The following ZFAT variants were observed in gnomAD, a reference collection of about 807,000 sequenced individuals.
ZFAT encodes the protein zinc finger and AT-hook domain containing.
A neutral mutation model predicts 117.7 loss-of-function variants in ZFAT; 64 were observed. The observed-to-expected ratio is 0.54, with a 90% CI of 0.44 to 0.67. ZFAT has a LOEUF of 0.67. Ranked by LOEUF, ZFAT falls within the 30% of genes least tolerant of loss-of-function variation. The pLI, the probability that ZFAT is intolerant of heterozygous loss-of-function variation, is 0.00. For missense variants in ZFAT, 1,433 were observed against 1,584.5 expected (o/e 0.90, Z 1.62); for synonymous variants, 679 against 615.0 (o/e 1.10, Z -1.54).
chr8:134,687,710 A>C (rs1459566212), intron 1 of ZFAT, among the ~76,000 whole-genome samples: 1 of 152,184 alleles, frequency 6.6e-6, no homozygotes, highest in Non-Finnish European at 1.5e-5. Flanking sequence ...ACAGCTCTCA[A>C]GTGATGCCTC....
intron 10 of ZFAT, among the ~76,000 whole-genome samples, chr8:134,574,173 G>C (rs1475097412): frequency 6.6e-6 from 1 of 152,204 alleles, no homozygotes; most frequent in African/African-American, 2.4e-5. Context: ...AGCCAGCAGG[G>C]TACCTGCCTT....
chr8:134,830,801 T>C, the ZFAT span, among the ~76,000 whole-genome samples: 517 of 152,354 alleles, frequency 3.4e-3, 4 homozygotes, highest in African/African-American at 0.012. Flanking sequence ...CAGGTAACAT[T>C]CAAATATATA....
chr8:134,574,964 G>A (rs1825192927), intron 10 of ZFAT, among the ~76,000 whole-genome samples: 1 of 151,534 alleles, frequency 6.6e-6, no homozygotes, highest in South Asian at 2.1e-4. Flanking sequence ...ATTGCACTGT[G>A]CCTTCCTAAT....
Position 134,512,409 on chromosome 8 carries a change from C to T in ZFAT, c.3361+66G>A, listed in dbSNP as rs538687412. 2.2e-4 allele frequency: 349 copies of T among 1,579,204 alleles called. 1 individual carries two copies. The South Asian group carries it at 3.7e-3, about 17-fold the overall frequency. On this transcript the variant is annotated intron_variant, in intron 14 of 15. Coordinates refer to ENST00000377838, the MANE Select transcript of ZFAT (RefSeq NM_020863.4). ...CTGATGGACATCATTCATCTGCAAA[C>T]GCATTCATTCAGCATGTCTAGGAAA...
rs116798503 is a variant in ZFAT at position 134,532,515 on chromosome 8, C to T, written c.3115+319G>A. ...AAAGACAACCGAACTTTCATCTCTG[C>T]GAACTTTACGCACGGACAAAGAATG... On this transcript the variant is annotated intron_variant, in intron 12 of 15. Transcript: ENST00000377838. Among the ~76,000 whole-genome samples the T allele has an allele frequency of 7.8e-3, 1,190 of 152,258 alleles. 19 individuals are homozygous for T. The highest frequency in any genetic ancestry group is 0.027 in the African/African-American group (1,127 of 41,550).
intron 11 of ZFAT, among the ~76,000 whole-genome samples, chr8:134,536,945 T>C (rs1295288410): frequency 1.3e-5 from 2 of 152,348 alleles, no homozygotes; most frequent in East Asian, 3.9e-4. Flanking sequence ...ACAGCTCATT[T>C]GGAATGCAAC....
intron 13 of ZFAT, among the ~76,000 whole-genome samples, chr8:134,513,400 T>C (rs557603413): frequency 1.3e-5 from 2 of 152,160 alleles, no homozygotes; most frequent in South Asian, 2.1e-4. Flanking sequence ...TTCACCATGT[T>C]GGCCAGGATG....
At chr8:134,829,264 A>G in the ZFAT span, among the ~76,000 whole-genome samples, 2 of 152,190 alleles carry the variant, frequency 1.3e-5, no homozygotes, top group South Asian at 2.1e-4. Flanking sequence ...TTTTGTTGCA[A>G]TTTTTTAAGC....
chr8:134,675,242 G>T (rs1387181826), intron 1 of ZFAT, among the ~76,000 whole-genome samples: 3 of 152,152 alleles, frequency 2.0e-5, no homozygotes, highest in Non-Finnish European at 4.4e-5. Context: ...AGAACAACCA[G>T]CTTAGAGAAG....
intron 14 of ZFAT, chr8:134,509,960 C>G (rs1586611950): frequency 1.7e-6 from 1 of 604,354 alleles, no homozygotes; most frequent in East Asian, 3.6e-5. Flanking sequence ...AAACCCCAAG[C>G]AACCCTGTGA....
intron 3 of ZFAT, among the ~76,000 whole-genome samples, chr8:134,613,155 T>C (rs923141102): frequency 2.0e-5 from 3 of 152,170 alleles, no homozygotes; most frequent in Non-Finnish European, 4.4e-5. Flanking sequence ...GAATTCACCA[T>C]GGGATACAAT....
the ZFAT span, among the ~76,000 whole-genome samples, chr8:134,753,489 T>C: frequency 6.6e-5 from 10 of 152,228 alleles, no homozygotes; most frequent in Non-Finnish European, 7.3e-5. Context: ...CTCCCCCTAA[T>C]GATCTTACTT....
chr8:134,651,153 C>T (rs1471788344), intron 2 of ZFAT, among the ~76,000 whole-genome samples: 3 of 149,084 alleles, frequency 2.0e-5, no homozygotes, highest in Admixed American at 6.7e-5. Context: ...ATAGAATTGA[C>T]ATATGACCCA....
chr8:134,532,151 C>A (rs963425780), intron 12 of ZFAT, among the ~76,000 whole-genome samples: 26 of 152,166 alleles, frequency 1.7e-4, no homozygotes, highest in African/African-American at 6.3e-4. Context: ...CAACAAAAAA[C>A]CCCACAAAGT....
chr8:134,667,832 AG>A (rs1321385420), intron 1 of ZFAT, among the ~76,000 whole-genome samples: 3 of 152,144 alleles, frequency 2.0e-5, no homozygotes, highest in Non-Finnish European at 4.4e-5. Context: ...CCGGGAAGTA[AG>A]GGGTCAGGGA....
chr8:134,628,331 C>T (rs1400358409), intron 3 of ZFAT, among the ~76,000 whole-genome samples: 2 of 152,138 alleles, frequency 1.3e-5, no homozygotes, highest in Non-Finnish European at 2.9e-5. Context: ...AGGTTCACTG[C>T]AGATCTAGAG....
intron 1 of ZFAT, among the ~76,000 whole-genome samples, chr8:134,701,228 G>T (rs76160989): frequency 0.013 from 1,999 of 152,170 alleles, 50 homozygotes; most frequent in African/African-American, 0.044. Context: ...CTGTCTCTTT[G>T]AATTTAACTA....
Position 134,602,612 on chromosome 8 carries a change from G to A in ZFAT, c.1107C>T (p.Leu369=), listed in dbSNP as rs765870082. Residue 369 remains leucine (L), a synonymous_variant, in exon 6 of 16, where the codon CTC becomes CTT. Coordinates refer to ENST00000377838, the MANE Select transcript of ZFAT (RefSeq NM_020863.4). ...CKKKYSDVKN[L]IKHIRDAHDP... ...CATGCGCGTCTCGGATGTGCTTGATGAGGTTCTTGACGTCAGAGTACTTCT... is the reference window on the plus strand; with the variant it reads ...CATGCGCGTCTCGGATGTGCTTGATAAGGTTCTTGACGTCAGAGTACTTCT... The A allele has an allele frequency of 1.4e-5, 23 of 1,614,210 alleles. No individual in the cohort carries two copies. In the South Asian group the frequency reaches 1.6e-4, roughly 12 times the overall value.
chr8:134,598,750 GAGA>G (rs1213579074), intron 7 of ZFAT: 1 of 152,206 alleles, frequency 6.6e-6, no homozygotes, highest in East Asian at 1.9e-4. Context: ...GTTCCAAAAG[GAGA>G]AGTAGAATCA....
Sources: gnomAD v4.1 joint callset for allele counts (sites outside exome capture counted in the v4.1 genomes callset) on GRCh38, gnomAD v4.1.1 for gene constraint, MANE v1.5 for transcripts, NCBI Gene and HGNC (gene_info 2026-07-23, HGNC 2026-07-21) for gene names.